The following IL1RAPL2 variants were observed in gnomAD, a reference collection of about 807,000 sequenced individuals.
IL1RAPL2 encodes X-linked interleukin-1 receptor accessory protein-like 2.
In IL1RAPL2, 3 loss-of-function variants were observed where a neutral mutation model predicts 44.1. The ratio of observed to expected loss-of-function variants is 0.07; its 90% confidence interval spans 0.03 to 0.18. IL1RAPL2 has a LOEUF of 0.18. IL1RAPL2 is among the 10% of genes least tolerant of loss of function. The probability of loss-of-function intolerance (pLI) is 1.00; values close to 1 mark genes in which losing one functional copy is unlikely to be tolerated. For synonymous variants in IL1RAPL2, 181 were observed against 178.8 expected (o/e 1.01, Z -0.10); for missense variants, 391 against 496.4 (o/e 0.79, Z 2.02).
At chrX:104,900,358 T>G (rs969934620) in intron 2 of IL1RAPL2, among the ~76,000 whole-genome samples, 2 of 111,497 alleles carry the variant, frequency 1.8e-5, no homozygotes, top group Admixed American at 1.9e-4. Context: ...TTAAATAGTT[T>G]TTTTAATCTC....
At position 105,281,751 on chromosome X, in the gene IL1RAPL2, C is replaced by T. The variant is rs373343097; in HGVS notation, c.697+14210C>T. Reference sequence around the variant, plus strand: ...ACCATCTAGGTTTGGTAAGGACAATCTATGATACTTATACCATGATGAAAT... The same window carrying T: ...ACCATCTAGGTTTGGTAAGGACAATTTATGATACTTATACCATGATGAAAT... On this transcript the variant is annotated intron_variant, in intron 5 of 10. Transcript: ENST00000372582. Among the ~76,000 whole-genome samples, 9 of 111,592 alleles carry T rather than the reference C, an allele frequency of 8.1e-5. 2 individuals carry two copies. The highest frequency in any genetic ancestry group is 3.8e-4 in the Admixed American group (4 of 10,484).
At chrX:104,747,691 G>A (rs1932199873) in intron 2 of IL1RAPL2, among the ~76,000 whole-genome samples, 2 of 111,164 alleles carry the variant, frequency 1.8e-5, no homozygotes, top group Admixed American at 1.9e-4. Flanking sequence ...CCTGCAAAGA[G>A]CATTGGAGGC....
chrX:105,256,340 T>A (rs1453086906), intron 4 of IL1RAPL2, among the ~76,000 whole-genome samples: 1 of 109,006 alleles, frequency 9.2e-6, no homozygotes, highest in East Asian at 2.9e-4. Context: ...TTTTCTTTTT[T>A]TTTTTTGAGA....
chrX:104,819,385 T>C (rs188928979), intron 2 of IL1RAPL2, among the ~76,000 whole-genome samples: 21 of 111,687 alleles, frequency 1.9e-4, no homozygotes, highest in Admixed American at 1.5e-3. Flanking sequence ...CATCCTAATA[T>C]ACTCATTGTA....
intron 2 of IL1RAPL2, among the ~76,000 whole-genome samples, chrX:104,680,764 A>C (rs942763645): frequency 1.8e-5 from 2 of 112,132 alleles, no homozygotes; most frequent in Non-Finnish European, 3.8e-5. Context: ...AAATGAGGGC[A>C]GTCTACTTCC....
intron 2 of IL1RAPL2, among the ~76,000 whole-genome samples, chrX:104,805,478 C>T (rs550106135): frequency 1.8e-5 from 2 of 111,726 alleles, no homozygotes; most frequent in South Asian, 7.5e-4. Context: ...ACATAGTGTT[C>T]AGTACATTTA....
intron 2 of IL1RAPL2, among the ~76,000 whole-genome samples, chrX:104,701,396 A>G (rs1342104899): frequency 9.0e-6 from 1 of 111,676 alleles, no homozygotes; most frequent in Non-Finnish European, 1.9e-5. Flanking sequence ...GTTTGAATTC[A>G]GAGGCAAGTA....
chrX:105,618,441 T>TA (rs759223172), intron 6 of IL1RAPL2, among the ~76,000 whole-genome samples: 73 of 103,664 alleles, frequency 7.0e-4, no homozygotes, highest in Admixed American at 3.1e-3. Flanking sequence ...AAGTTAAATT[T>TA]AAAAAAAAAA....
intron 2 of IL1RAPL2, among the ~76,000 whole-genome samples, chrX:104,991,059 TC>T (rs1474494554): frequency 1.8e-5 from 2 of 111,248 alleles, no homozygotes; most frequent in African/African-American, 6.5e-5. Context: ...GACATAACTT[TC>T]CCCTGCAGAT....
At chrX:104,769,606 A>G (rs2051423258) in intron 2 of IL1RAPL2, among the ~76,000 whole-genome samples, 2 of 112,334 alleles carry the variant, frequency 1.8e-5, no homozygotes, top group South Asian at 7.3e-4. Context: ...GTGGCCTGCA[A>G]CAGGCTATTT....
chrX:105,266,670 CAA>C (rs1341626787), intron 4 of IL1RAPL2, among the ~76,000 whole-genome samples: 1 of 111,311 alleles, frequency 9.0e-6, no homozygotes, highest in Non-Finnish European at 1.9e-5. Context: ...CTTCAAAACC[CAA>C]AACTTGTTCT....
At chrX:104,976,553 A>G (rs916750552) in intron 2 of IL1RAPL2, among the ~76,000 whole-genome samples, 1 of 111,850 alleles carries the variant, frequency 8.9e-6, no homozygotes, top group African/African-American at 3.2e-5. Flanking sequence ...AAAAGACAAG[A>G]CCAAGATTCC....
chrX:105,021,372 G>A (rs967387805), intron 2 of IL1RAPL2, among the ~76,000 whole-genome samples: 4 of 111,203 alleles, frequency 3.6e-5, no homozygotes, highest in African/African-American at 3.3e-5. Context: ...AAAGAAGAAC[G>A]AAAAGAGATC....
chrX:105,722,159 T>C (rs2038310841), intron 7 of IL1RAPL2, among the ~76,000 whole-genome samples: 1 of 112,188 alleles, frequency 8.9e-6, no homozygotes, highest in African/African-American at 3.2e-5. Context: ...TACAGCATAT[T>C]ATTGTACTGA....
At chrX:105,580,063 A>G (rs2037078077) in intron 6 of IL1RAPL2, among the ~76,000 whole-genome samples, 1 of 111,884 alleles carries the variant, frequency 8.9e-6, no homozygotes, top group African/African-American at 3.3e-5. Context: ...TAAATTGTTC[A>G]GGTAAAACCA....
intron 6 of IL1RAPL2, among the ~76,000 whole-genome samples, chrX:105,660,062 A>G (rs1369732441): frequency 1.8e-5 from 2 of 111,483 alleles, no homozygotes; most frequent in South Asian, 3.8e-4. Flanking sequence ...GAACCCAAAG[A>G]AGACACCTCA....
At chrX:105,097,923 A>G (rs1375212924) in intron 2 of IL1RAPL2, among the ~76,000 whole-genome samples, 3 of 111,657 alleles carry the variant, frequency 2.7e-5, no homozygotes, top group East Asian at 5.7e-4. Flanking sequence ...AGTCGGGTCT[A>G]TCTTTGAGAT....
At chrX:104,688,800 T>A (rs915443713) in intron 2 of IL1RAPL2, among the ~76,000 whole-genome samples, 5 of 112,336 alleles carry the variant, frequency 4.5e-5, no homozygotes, top group African/African-American at 6.4e-5. Context: ...TTTAAAATTA[T>A]TGAATATTTT....
intron 2 of IL1RAPL2, among the ~76,000 whole-genome samples, chrX:104,773,765 T>C (rs1175353071): frequency 1.8e-5 from 2 of 112,154 alleles, no homozygotes; most frequent in African/African-American, 6.5e-5. Flanking sequence ...AGAGGTTAAA[T>C]TGAAAGAATG....
Sources: allele counts gnomAD v4.1 joint callset (sites outside exome capture counted in the v4.1 genomes callset), GRCh38; gene constraint gnomAD v4.1.1; transcripts MANE v1.5; gene names NCBI Gene and HGNC (gene_info 2026-07-23, HGNC 2026-07-21).